LHX9: variants seen among roughly 807,000 people sequenced by gnomAD.
The protein encoded by LHX9 is LIM/homeobox protein Lhx9.
A neutral mutation model predicts 36.5 loss-of-function variants in LHX9; 9 were observed. The observed-to-expected ratio is 0.25, with a 90% CI of 0.15 to 0.43. The LOEUF is 0.43. Among genes scored for constraint, LHX9 ranks in the 20% least tolerant of loss-of-function variants. The pLI is 1.00. For synonymous variants in LHX9, 211 were observed against 212.1 expected, an observed-to-expected ratio of 0.99 and a Z score of 0.04; for missense variants, 464 against 526.4, an observed-to-expected ratio of 0.88 and a Z score of 1.16.
At chr1:197,918,322 C>G (rs1179007930) in intron 1 of LHX9, 1 of 717,470 alleles carries the variant, frequency 1.4e-6, no homozygotes, top group Non-Finnish European at 2.6e-6. Flanking sequence ...GCAGGCGTCT[C>G]CCCGGCGAGG....
chr1:197,914,447 A>C (rs1166586780), upstream of LHX9, among the ~76,000 whole-genome samples: 5 of 151,032 alleles, frequency 3.3e-5, no homozygotes, highest in African/African-American at 1.2e-4. Context: ...CCTCTGCTGG[A>C]GAGGTGAAAG....
rs756372594 is a variant in LHX9 at position 197,917,896 on chromosome 1, A to G, written c.73A>G (p.Ile25Val). The stretch of plus-strand genomic sequence containing the variant: ...CCCCCCAGCCATGCTCTTTCACGGG[A>G]TCTCCGGAGGCCACATCCAAGGCAT... Reference protein sequence around the residue: ...FRPPAMLFHGISGGHIQGIME... With the variant: ...FRPPAMLFHGVSGGHIQGIME... Residue 25 changes from isoleucine (I) to valine (V), a missense_variant, in exon 1 of 5, where the codon ATC (isoleucine) becomes GTC (valine). By Grantham distance (29) the Ile-to-Val change is conservative (BLOSUM62 3). Coordinates refer to ENST00000367387, the MANE Select transcript of LHX9 (RefSeq NM_020204.3). 6.2e-7 allele frequency: 1 copy of G among 1,614,162 alleles called. No homozygotes were observed. The highest frequency in any genetic ancestry group is 8.5e-7 in the Non-Finnish European group (1 of 1,180,032).
At chr1:197,928,893 CAA>C (rs10664707) in intron 4 of LHX9, 107 bp from the exon 5 acceptor site, 91 of 1,020,974 alleles carry the variant, frequency 8.9e-5, no homozygotes, top group Admixed American at 2.4e-4. Flanking sequence ...AAACCTATAT[CAA>C]AAAAAAAAAA....
chr1:197,912,644 C>T, upstream of LHX9: 1 of 1,380,094 alleles, frequency 7.2e-7, no homozygotes, highest in Non-Finnish European at 1.0e-6. Flanking sequence ...CGTGTGTGTG[C>T]GCCTTCGTTG....
At chr1:197,919,882 ACCC>A (rs1273020293) in intron 1 of LHX9, 87 bp from the exon 2 acceptor site, 2 of 1,353,946 alleles carry the variant, frequency 1.5e-6, no homozygotes, top group African/African-American at 2.9e-5. Context: ...CTCCCTGCAC[ACCC>A]TGGGCTTGGT....
At chr1:197,925,340 C>T (rs1384080603) in intron 3 of LHX9, among the ~76,000 whole-genome samples, 2 of 152,112 alleles carry the variant, frequency 1.3e-5, no homozygotes, top group African/African-American at 4.8e-5. Flanking sequence ...GAATCATATT[C>T]ATTTCTATAT....
chr1:197,919,692 T>G (rs1229771258), intron 1 of LHX9, among the ~76,000 whole-genome samples: 2 of 152,250 alleles, frequency 1.3e-5, no homozygotes, highest in Non-Finnish European at 2.9e-5. Flanking sequence ...GTCAATATTT[T>G]CCTAGTCCTT....
upstream of LHX9, chr1:197,917,296 G>T (rs1659793277): frequency 2.4e-6 from 3 of 1,234,794 alleles, no homozygotes; most frequent in Non-Finnish European, 2.1e-6. Flanking sequence ...TCCGGGGAGA[G>T]AACTCCTCCT....
intron 3 of LHX9, among the ~76,000 whole-genome samples, chr1:197,925,647 T>C (rs1255059563): frequency 2.0e-5 from 3 of 152,180 alleles, no homozygotes; most frequent in African/African-American, 7.2e-5. Flanking sequence ...GATATGAAAG[T>C]GCAATTCTGT....
chr1:197,920,210 A>T, intron 2 of LHX9, 36 bp downstream of exon 2: 1 of 1,597,090 alleles, frequency 6.3e-7, no homozygotes. Context: ...ACGCCCGAGT[A>T]CACCTGGAGG....
upstream of LHX9, chr1:197,916,003 C>A (rs1659737056): frequency 6.6e-6 from 1 of 152,104 alleles, no homozygotes; most frequent in South Asian, 2.1e-4. Flanking sequence ...TAGGATGTGC[C>A]AGGACACAGG....
upstream of LHX9, chr1:197,916,872 A>G (rs1659774783): frequency 1.5e-6 from 1 of 667,086 alleles, no homozygotes; most frequent in South Asian, 1.6e-5. Flanking sequence ...TTTCTGCTCA[A>G]TATTTATGCA....
At chr1:197,915,712 G>A (rs1659729143), upstream of LHX9, 1 of 152,210 alleles carries the variant, frequency 6.6e-6, no homozygotes, top group Non-Finnish European at 1.5e-5. Context: ...AGTGTCTTCA[G>A]TTTCATGGAA....
rs773776739 is a variant in LHX9, at chr1:197,929,060, G to C, written c.995G>C (p.Gly332Ala). 2.5e-6 allele frequency: 4 copies of C among 1,613,540 alleles called. No homozygotes were observed. The highest frequency in any genetic ancestry group is 3.4e-6 in the Non-Finnish European group (4 of 1,179,848). ...AGGAACCTTTTGCGGCAGGAGAATG[G>C]GGGTGTTGATAAAGCTGACGGCACG... Reference protein sequence around the residue: ...FRRNLLRQENGGVDKADGTSL... With the variant: ...FRRNLLRQENAGVDKADGTSL... Residue 332 changes from glycine (G) to alanine (A), a missense_variant, in exon 5 of 5, where the codon GGG becomes GCG. Physicochemically the swap from Gly to Ala is moderately conservative, Grantham distance 60. This residue lies in a region of LHX9 where 102 missense variants were observed against 97.0 expected (regional missense o/e 1.05). Transcript: ENST00000367387.
At chr1:197,926,115 G>C (rs1392410030) in intron 3 of LHX9, among the ~76,000 whole-genome samples, 2 of 152,152 alleles carry the variant, frequency 1.3e-5, no homozygotes, top group Non-Finnish European at 2.9e-5. Context: ...TGCCTTCTTG[G>C]GTGATGACTA....
upstream of LHX9, among the ~76,000 whole-genome samples, chr1:197,914,483 C>T (rs1262057883): frequency 6.6e-6 from 1 of 152,062 alleles, no homozygotes; most frequent in Non-Finnish European, 1.5e-5. Context: ...AGATGCTTTC[C>T]TTATTTAAAG....
chr1:197,922,159 A>G (rs1161568202), intron 3 of LHX9, among the ~76,000 whole-genome samples: 3 of 152,180 alleles, frequency 2.0e-5, no homozygotes, highest in African/African-American at 7.2e-5. Flanking sequence ...AAGAGTGTTG[A>G]AAAACCTAAT....
Position 197,929,265 on chromosome 1 carries a change from G to GC in LHX9, c.*6_*7insC. The GC allele has an allele frequency of 9.3e-7, 1 of 1,080,764 alleles. No homozygotes were observed. The highest frequency in any genetic ancestry group is 1.2e-6 in the Non-Finnish European group (1 of 826,366). 66.9% of individuals were successfully genotyped at this position (1,080,764 alleles called of 1,614,324 possible). A position where few individuals can be genotyped will look rare whatever the true frequency, so the allele number is the denominator to read the frequency against. On this transcript the variant is annotated 3_prime_UTR_variant, in exon 5 of 5. Transcript: ENST00000367387. ...CCTTAACAAACCTTTTCTAACATTG[G>GC]TTTTTTTTTTTTAGTTTTTAAATTC...
chr1:197,915,004 C>G (rs781275834), upstream of LHX9, among the ~76,000 whole-genome samples: 2 of 152,140 alleles, frequency 1.3e-5, no homozygotes, highest in Non-Finnish European at 2.9e-5. Context: ...TCCCTGGAGA[C>G]GCTGTAAAGT....
Sources: gnomAD v4.1 joint callset for allele counts (sites outside exome capture counted in the v4.1 genomes callset) on GRCh38, gnomAD v4.1.1 for gene constraint, gnomAD v4.1.1 regional missense constraint, MANE v1.5 for transcripts, NCBI Gene and HGNC (gene_info 2026-07-23, HGNC 2026-07-21) for gene names.